TMEM260: variants seen among roughly 807,000 people sequenced by gnomAD.
TMEM260 encodes transmembrane protein 260, also known as protein O-mannosyl-transferase TMEM260.
In TMEM260, 82 loss-of-function variants were observed where a neutral mutation model predicts 88.9. The ratio of observed to expected loss-of-function variants is 0.92; its 90% confidence interval spans 0.77 to 1.11. The LOEUF (loss-of-function observed/expected upper bound fraction) is 1.11, where lower values mean the gene tolerates loss of function less well. Ranked by LOEUF, TMEM260 falls within the 50% of genes least tolerant of loss-of-function variation. The pLI, the probability that TMEM260 is intolerant of heterozygous loss-of-function variation, is 0.00. For synonymous variants in TMEM260, 314 were observed against 309.3 expected (o/e 1.02, Z -0.16); for missense variants, 902 against 853.4 (o/e 1.06, Z -0.71).
chr14:56,647,773 CACTGGATTAGATTCTAGAA>C lies in TMEM260; in HGVS notation c.*277_*295del. Reference sequence around the variant, plus strand: ...CTTCCAGTCTTTCACCAGATGACTGCACTGGATTAGATTCTAGAAGAGAATGAACCATTTTCATATAACT... The same window carrying C: ...CTTCCAGTCTTTCACCAGATGACTGCGAGAATGAACCATTTTCATATAACT... On this transcript the variant is annotated 3_prime_UTR_variant, in exon 16 of 16. Transcript: ENST00000261556. 1.5e-5 allele frequency: 6 copies of C among 401,996 alleles called. No individual in the cohort carries two copies. Among genetic ancestry groups the C allele is most frequent in the Non-Finnish European group, 2.2e-5 (5 of 224,434 alleles). The allele number at this position is 401,996 out of a possible 1,614,324, so 24.9% of individuals were successfully genotyped here.
intron 4 of TMEM260, 51 bp from the exon 5 acceptor site, chr14:56,605,519 A>C: frequency 2.9e-6 from 3 of 1,037,908 alleles, no homozygotes; most frequent in Non-Finnish European, 4.2e-6. Flanking sequence ...TTATGTTCTT[A>C]GAGTTTTAGG....
chr14:56,639,772 G>T (rs1889425811), intron 15 of TMEM260, among the ~76,000 whole-genome samples: 1 of 152,182 alleles, frequency 6.6e-6, no homozygotes, highest in Non-Finnish European at 1.5e-5. Flanking sequence ...GGAAAATCGG[G>T]TCACTCCCAC....
chr14:56,627,047 ATAT>A (rs1566562628), intron 12 of TMEM260, among the ~76,000 whole-genome samples: 1 of 151,950 alleles, frequency 6.6e-6, no homozygotes, highest in East Asian at 2.0e-4. Flanking sequence ...TTGTTGGCTA[ATAT>A]TCTCATAAGA....
intron 2 of TMEM260, 160 bp from the exon 3 acceptor site, chr14:56,585,601 G>A (rs1216121799): frequency 3.1e-5 from 20 of 648,694 alleles, no homozygotes; most frequent in Non-Finnish European, 2.6e-6. Flanking sequence ...TATTTGTATT[G>A]CCTCAAGAGG....
chr14:56,612,354 A>G, intron 7 of TMEM260, 69 bp downstream of exon 7: 1 of 1,329,010 alleles, frequency 7.5e-7, no homozygotes, highest in South Asian at 1.2e-5. Flanking sequence ...GATTTTAGGG[A>G]TTTCTGAGTT....
At chr14:56,596,190 T>A (rs12147708) in intron 3 of TMEM260, among the ~76,000 whole-genome samples, 11 of 151,686 alleles carry the variant, frequency 7.3e-5, no homozygotes, top group African/African-American at 2.7e-4. Context: ...CAAATAATGG[T>A]GTAAGTAATT....
chr14:56,603,324 A>G (rs1281152181), intron 3 of TMEM260, among the ~76,000 whole-genome samples: 1 of 152,216 alleles, frequency 6.6e-6, no homozygotes, highest in African/African-American at 2.4e-5. Flanking sequence ...TGTGATCAAG[A>G]CATTCTTTGC....
At chr14:56,636,748 TCCTCAGTTGTATCACAGTATC>T (rs1418484527) in intron 15 of TMEM260, 150 bp downstream of exon 15, 1 of 676,070 alleles carries the variant, frequency 1.5e-6, no homozygotes, top group East Asian at 2.8e-5. Flanking sequence ...TATGAACAAA[TCCTCAGTTGTATCACAGTATC>T]CAAAGTAAAT....
chr14:56,597,495 A>G (rs1289304597), intron 3 of TMEM260, among the ~76,000 whole-genome samples: 1 of 152,222 alleles, frequency 6.6e-6, no homozygotes, highest in African/African-American at 2.4e-5. Context: ...TTGATGAAAC[A>G]TAAAGTTTGA....
chr14:56,635,816 G>A (rs17091861), intron 14 of TMEM260, among the ~76,000 whole-genome samples: 1,803 of 151,340 alleles, frequency 0.012, 43 homozygotes, highest in East Asian at 0.11. Context: ...GAGTGGTCAA[G>A]AAATACAGCT....
rs372905309 is a variant in TMEM260, at chr14:56,586,465, T to C, written c.344+553T>C. Reference sequence around the variant, plus strand: ...AATTAGATCCCAAGTAATTCATTGATAGAAGACTTTCTTAGGTTGGAAGTC... The same window carrying C: ...AATTAGATCCCAAGTAATTCATTGACAGAAGACTTTCTTAGGTTGGAAGTC... On this transcript the variant is annotated intron_variant, in intron 3 of 15. Transcript: ENST00000261556. 1.5e-4 allele frequency among the ~76,000 whole-genome samples: 23 copies of C among 152,260 alleles called. No individual in the cohort carries two copies. The South Asian group carries it at 4.8e-3, about 32-fold the overall frequency.
At chr14:56,613,092 A>G (rs1469432508) in intron 7 of TMEM260, 5 of 152,124 alleles carry the variant, frequency 3.3e-5, no homozygotes, top group African/African-American at 1.2e-4. Context: ...TTCTTTGAAA[A>G]CTGGGTTAAT....
At chr14:56,634,995 T>C (rs1247570295) in intron 14 of TMEM260, 43 bp downstream of exon 14, 1 of 1,569,446 alleles carries the variant, frequency 6.4e-7, no homozygotes, top group Non-Finnish European at 8.8e-7. Flanking sequence ...ATTTTTAATA[T>C]GGCAGGGAAG....
chr14:56,629,874 A>AAAAAT (rs1888471880), intron 12 of TMEM260, among the ~76,000 whole-genome samples: 1 of 152,048 alleles, frequency 6.6e-6, no homozygotes, highest in African/African-American at 2.4e-5. Flanking sequence ...GTCGCTACAA[A>AAAAAT]AAAATAAAAA....
rs1280766929 is a variant in TMEM260, at chr14:56,631,259, C to T, written c.1548-1736C>T. The stretch of plus-strand genomic sequence containing the variant: ...TACTTCTAGGGTCTTGCATTCCCTT[C>T]TCCCCTGATTCTTCCCTGGGGGTGG... On this transcript the variant is annotated intron_variant, in intron 12 of 15. Coordinates refer to ENST00000261556, the MANE Select transcript of TMEM260 (RefSeq NM_017799.4). Among the ~76,000 whole-genome samples, 3 of 152,218 alleles carry T rather than the reference C, an allele frequency of 2.0e-5. No individual in the cohort carries two copies. In the East Asian group the frequency reaches 5.8e-4, roughly 29 times the overall value.
intron 3 of TMEM260, among the ~76,000 whole-genome samples, chr14:56,594,879 T>A (rs1432909077): frequency 1.3e-5 from 2 of 152,170 alleles, no homozygotes; most frequent in African/African-American, 2.4e-5. Flanking sequence ...GCCAAAAAAA[T>A]TTTAAATATA....
chr14:56,616,983 C>T (rs975211357), intron 8 of TMEM260, among the ~76,000 whole-genome samples, 200 bp from the exon 9 acceptor site: 7 of 152,020 alleles, frequency 4.6e-5, no homozygotes, highest in South Asian at 4.1e-4. Context: ...TCCTTTACTG[C>T]GTAGTCCCAA....
intron 12 of TMEM260, among the ~76,000 whole-genome samples, chr14:56,627,276 T>C (rs1888298999): frequency 6.6e-6 from 1 of 152,136 alleles, no homozygotes. Context: ...GAATGAGAAA[T>C]GTTTTTAAAA....
intron 10 of TMEM260, among the ~76,000 whole-genome samples, chr14:56,621,099 A>G (rs1417736331): frequency 6.6e-6 from 1 of 152,144 alleles, no homozygotes; most frequent in Non-Finnish European, 1.5e-5. Context: ...AATCATACAA[A>G]TGCCATACAA....
Sources: gnomAD v4.1 joint callset for allele counts (sites outside exome capture counted in the v4.1 genomes callset) on GRCh38, gnomAD v4.1.1 for gene constraint, MANE v1.5 for transcripts, NCBI Gene and HGNC (gene_info 2026-07-23, HGNC 2026-07-21) for gene names.